Variants in CHD5 observed in about 807,000 individuals in gnomAD.
The protein encoded by CHD5 is ATP-dependent chromatin remodeler CHD5.
CHD5 carries 69 observed loss-of-function variants against 230.3 expected under a neutral mutation model. The observed-to-expected ratio is 0.30, with a 90% CI of 0.25 to 0.37. The LOEUF (loss-of-function observed/expected upper bound fraction) is 0.37, where lower values mean the gene tolerates loss of function less well. CHD5 is among the 10% of genes least tolerant of loss of function. The pLI is 1.00. For missense variants in CHD5, 1,827 were observed against 2,622.8 expected (o/e 0.70, Z 6.63); for synonymous variants, 1,064 against 1,065.9 (o/e 1.00, Z 0.03).
intron 15 of CHD5, among the ~76,000 whole-genome samples, chr1:6,141,676 T>C (rs1369407429): frequency 6.6e-6 from 1 of 152,186 alleles, no homozygotes; most frequent in Non-Finnish European, 1.5e-5. Context: ...GGGTAGGCCC[T>C]ACATCCAGTA....
intron 31 of CHD5, among the ~76,000 whole-genome samples, chr1:6,122,162 G>A (rs1053846219): frequency 1.3e-5 from 2 of 152,178 alleles, no homozygotes; most frequent in Non-Finnish European, 2.9e-5. Flanking sequence ...GTGCTTGGAG[G>A]TGCAGCTTCT....
intron 15 of CHD5, among the ~76,000 whole-genome samples, chr1:6,139,228 TTTG>T (rs539641102): frequency 4.0e-4 from 58 of 146,316 alleles, no homozygotes; most frequent in African/African-American, 9.4e-4. Flanking sequence ...CTGTTGTTGT[TTTG>T]TTGTTGTTGT....
At chr1:6,166,132 G>A (rs1667249221) in intron 2 of CHD5, among the ~76,000 whole-genome samples, 1 of 151,706 alleles carries the variant, frequency 6.6e-6, no homozygotes, top group Admixed American at 6.6e-5. Context: ...AGAGCTGAGG[G>A]ACAACAGAGA....
chr1:6,174,507 TGGTG>T (rs572030129), intron 1 of CHD5, among the ~76,000 whole-genome samples: 98 of 134,458 alleles, frequency 7.3e-4, no homozygotes, highest in African/African-American at 3.1e-3. Context: ...GATGGATGGA[TGGTG>T]GGTGGATGGA....
Position 6,124,676 on chromosome 1 carries a change from G to C in CHD5, c.4395-15C>G, listed in dbSNP as rs1666525320. ...ACACATAGGCTCTGGGGTGGGGGGGGGGGACTGGGGCTCAGGGAGTGGGGG... is the reference window on the plus strand; with the variant it reads ...ACACATAGGCTCTGGGGTGGGGGGGCGGGACTGGGGCTCAGGGAGTGGGGG... On this transcript the variant is annotated splice_polypyrimidine_tract_variant and intron_variant, in intron 29 of 41. Coordinates refer to ENST00000262450, the MANE Select transcript of CHD5 (RefSeq NM_015557.3). 2.9e-6 allele frequency: 2 copies of C among 689,928 alleles called. No homozygotes were observed. Among genetic ancestry groups the C allele is most frequent in the Non-Finnish European group, 5.1e-6 (2 of 389,422 alleles). 42.7% of individuals were successfully genotyped at this position (689,928 alleles called of 1,614,324 possible). A position where few individuals can be genotyped will look rare whatever the true frequency, so the allele number is the denominator to read the frequency against.
At chr1:6,106,210 A>G (rs1419871073) in intron 41 of CHD5, 24 bp downstream of exon 41, 5 of 1,602,268 alleles carry the variant, frequency 3.1e-6, no homozygotes, top group Non-Finnish European at 4.3e-6. Context: ...GGCGGGGAGG[A>G]ACACAGCACC....
At chr1:6,171,283 C>G (rs533808394) in intron 1 of CHD5, among the ~76,000 whole-genome samples, 1 of 152,290 alleles carries the variant, frequency 6.6e-6, no homozygotes, top group South Asian at 2.1e-4. Context: ...AGGACAAGGC[C>G]CCAGACCCTC....
At chr1:6,160,218 G>C (rs1667149707) in intron 2 of CHD5, among the ~76,000 whole-genome samples, 1 of 82,144 alleles carries the variant, frequency 1.2e-5, no homozygotes, top group Admixed American at 9.8e-5. Flanking sequence ...AGCCAGGGAA[G>C]GGCCCCAGCC....
At position 6,124,523 on chromosome 1, in the gene CHD5, C is replaced by T. The variant is rs143597613; in HGVS notation, c.4533G>A (p.Arg1511=). Residue 1511 remains arginine, a synonymous_variant, in exon 30 of 42, where the codon AGG becomes AGA. Coordinates refer to ENST00000262450, the MANE Select transcript of CHD5 (RefSeq NM_015557.3). ...LTRIGVMSLV[R]KKVQEFEHVN... ...CAGAGAGTTACTCACCCACCTTCTT[C>T]CTAACTAGTGACATGACCCCGATGC... 4.3e-6 allele frequency: 7 copies of T among 1,614,160 alleles called. No homozygotes were observed. The African/African-American group carries it at 8.0e-5, about 18-fold the overall frequency.
At chr1:6,124,804 A>G in intron 29 of CHD5, 143 bp from the exon 30 acceptor site, 3 of 683,544 alleles carry the variant, frequency 4.4e-6, no homozygotes. Flanking sequence ...CAGGCCCGGG[A>G]AAGGACAGAG....
intron 33 of CHD5, among the ~76,000 whole-genome samples, chr1:6,117,429 A>G (rs1666395309): frequency 6.6e-6 from 1 of 152,192 alleles, no homozygotes; most frequent in South Asian, 2.1e-4. Context: ...GAACTCATAC[A>G]AGCCAGGCAC....
In CHD5 at chr1:6,105,403, C is replaced by T. The variant is rs868333734; in HGVS notation, c.*71G>A. 1 of 470,674 alleles carries T rather than the reference C, an allele frequency of 2.1e-6. No individual in the cohort carries two copies. The highest frequency in any genetic ancestry group is 4.4e-6 in the Non-Finnish European group (1 of 226,926). The allele number at this position is 470,674 out of a possible 1,614,324, so 29.2% of individuals were successfully genotyped here. ...GGCAGCTTTTCTCTCCCATGTGGGT[C>T]GGGCAGGTGGCCCGGCAGGCGTGGC... On this transcript the variant is annotated 3_prime_UTR_variant, in exon 42 of 42. Coordinates refer to ENST00000262450, the MANE Select transcript of CHD5 (RefSeq NM_015557.3). The surrounding 1 kb of genome is among the most constrained non-coding windows in gnomAD (Gnocchi z 4.8).
At position 6,128,150 on chromosome 1, in the gene CHD5, C is replaced by T. The variant is rs778975171; in HGVS notation, c.3799G>A (p.Asp1267Asn). ...TCATCTGTAGCGTCCTGGTTCCGGT[C>T]CAGCAGCTTGGAGATGGCCGCATCG... is the stretch of plus-strand genomic sequence containing the variant. Reference protein sequence around the residue: ...YDDAAISKLLDRNQDATDDTE... With the variant: ...YDDAAISKLLNRNQDATDDTE... Residue 1267 changes from aspartate to asparagine, a missense_variant, in exon 25 of 42, where the codon GAC becomes AAC. Asp to Asn is a conservative substitution (Grantham distance 23). This residue lies in a region of CHD5 where 137 missense variants were observed against 272.7 expected (regional missense o/e 0.50). Transcript: ENST00000262450. This position sits in a 1 kb window ranked among gnomAD's most constrained non-coding sequence, Gnocchi z 7.8. 1 of 1,614,180 alleles carries T rather than the reference C, an allele frequency of 6.2e-7. No individual in the cohort carries two copies. Among genetic ancestry groups the T allele is most frequent in the Non-Finnish European group, 8.5e-7 (1 of 1,180,014 alleles).
At position 6,128,134 on chromosome 1, in the gene CHD5, G is replaced by C; in HGVS notation, c.3815C>G (p.Ala1272Gly). 6.2e-7 allele frequency: 1 copy of C among 1,614,152 alleles called. No homozygotes were observed. The highest frequency in any genetic ancestry group is 8.5e-7 in the Non-Finnish European group (1 of 1,180,006). ...GTTCTGTAGCTCCGTGTCATCTGTA[G>C]CGTCCTGGTTCCGGTCCAGCAGCTT... is the stretch of plus-strand genomic sequence containing the variant. ...ISKLLDRNQD[A>G]TDDTELQNMN... The change falls in exon 25 of 42, where the codon GCT becomes GGT. Residue 1272 changes from alanine to glycine, a missense_variant. Physicochemically the swap from Ala to Gly is moderately conservative, Grantham distance 60 (BLOSUM62 0). Coordinates refer to ENST00000262450, the MANE Select transcript of CHD5 (RefSeq NM_015557.3). The surrounding 1 kb of genome is among the most constrained non-coding windows in gnomAD (Gnocchi z 7.8).
Position 6,143,892 on chromosome 1 carries a change from C to A in CHD5, c.1974G>T (p.Arg658Ser), listed in dbSNP as rs141014768. ...MLGEDTRLPK[R>S]LLKKGKKLRD... ...TCAGCTTCTTGCCCTTCTTGAGCAG[C>A]CTCTTGGGCAGCCTGGTGTCTTCTC... is the stretch of plus-strand genomic sequence containing the variant. The change falls in exon 13 of 42, where the codon AGG becomes AGT. Residue 658 changes from arginine (R) to serine (S), a missense_variant. By Grantham distance (110) the Arg-to-Ser change is moderately radical (BLOSUM62 -1). Transcript: ENST00000262450. The A allele has an allele frequency of 5.0e-6, 8 of 1,613,834 alleles. No individual in the cohort carries two copies. Among genetic ancestry groups the A allele is most frequent in the Non-Finnish European group, 6.8e-6 (8 of 1,180,026 alleles).
intron 33 of CHD5, among the ~76,000 whole-genome samples, chr1:6,115,863 C>G (rs778969062): frequency 2.6e-5 from 4 of 152,156 alleles, no homozygotes; most frequent in Non-Finnish European, 4.4e-5. Context: ...TTTTAAGCCA[C>G]TAAGTTTGCA....
chr1:6,116,234 G>A (rs181708310), intron 33 of CHD5, among the ~76,000 whole-genome samples: 48 of 152,184 alleles, frequency 3.2e-4, no homozygotes, highest in Admixed American at 1.5e-3. Context: ...CACTCAGCAG[G>A]CTCAAAATAT....
chr1:6,150,800 C>T (rs1666995067), intron 7 of CHD5, among the ~76,000 whole-genome samples: 1 of 152,164 alleles, frequency 6.6e-6, no homozygotes, highest in South Asian at 2.1e-4. Context: ...CTTGTTCTTT[C>T]CTTACTGGGA....
At chr1:6,111,663 G>A in intron 36 of CHD5, 112 bp downstream of exon 36, 1 of 797,798 alleles carries the variant, frequency 1.3e-6, no homozygotes, top group Non-Finnish European at 2.1e-6. Flanking sequence ...CCAGAAGTGA[G>A]GAAGATTGAG....
Sources: gnomAD v4.1 joint callset for allele counts (sites outside exome capture counted in the v4.1 genomes callset) on GRCh38, gnomAD v4.1.1 for gene constraint, gnomAD v4.1.1 regional missense constraint, Gnocchi (gnomAD v3.1) non-coding constraint, MANE v1.5 for transcripts, NCBI Gene and HGNC (gene_info 2026-07-23, HGNC 2026-07-21) for gene names.